NFX1: variants seen among roughly 807,000 people sequenced by gnomAD.
The protein encoded by NFX1 is transcriptional repressor NF-X1.
In NFX1, 69 loss-of-function variants were observed where a neutral mutation model predicts 137.2. The observed-to-expected ratio is 0.50, with a 90% CI of 0.41 to 0.61. The LOEUF is 0.61. Ranked by LOEUF, NFX1 falls within the 20% of genes least tolerant of loss-of-function variation. The pLI, the probability that NFX1 is intolerant of heterozygous loss-of-function variation, is 0.00. For missense variants in NFX1, 1,167 were observed against 1,391.0 expected, an observed-to-expected ratio of 0.84 and a Z score of 2.56; for synonymous variants, 495 against 474.1, an observed-to-expected ratio of 1.04 and a Z score of -0.57.
In NFX1 at chr9:33,294,886, G is replaced by C; in HGVS notation, c.492G>C (p.Arg164Ser). 6.2e-7 allele frequency: 1 copy of C among 1,614,042 alleles called. No individual in the cohort carries two copies. The highest frequency in any genetic ancestry group is 8.5e-7 in the Non-Finnish European group (1 of 1,179,992). Residue 164 changes from arginine (R) to serine (S), a missense_variant, in exon 2 of 24, where the codon AGG (arginine) becomes AGC (serine). Arg to Ser is a moderately radical substitution (Grantham distance 110). Coordinates refer to ENST00000379540, the MANE Select transcript of NFX1 (RefSeq NM_002504.6). ...AGGAAGTTGTGGGTGCAGATCCCAG[G>C]GGAGCAAAACCCAAAAAAGCAACAC... ...SEKEVVGADP[R>S]GAKPKKATQF...
intron 19 of NFX1, among the ~76,000 whole-genome samples, chr9:33,357,975 C>T (rs1823867001): frequency 6.6e-6 from 1 of 152,052 alleles, no homozygotes; most frequent in Non-Finnish European, 1.5e-5. Flanking sequence ...ATTTTCTAGT[C>T]CAAGAGAAGG....
chr9:33,314,674 C>G (rs1387922474), intron 7 of NFX1, among the ~76,000 whole-genome samples: 1 of 151,684 alleles, frequency 6.6e-6, no homozygotes, highest in Non-Finnish European at 1.5e-5. Flanking sequence ...GAGGCTCAGT[C>G]TAAAATAATA....
chr9:33,353,719 G>A (rs7038216), intron 17 of NFX1, among the ~76,000 whole-genome samples: 2,860 of 124,578 alleles, frequency 0.023, 117 homozygotes, highest in African/African-American at 0.083. Context: ...ATGGAGTTTC[G>A]CTCCTGTTGC....
At chr9:33,306,113 A>G (rs1424762707) in intron 4 of NFX1, among the ~76,000 whole-genome samples, 7 of 152,216 alleles carry the variant, frequency 4.6e-5, no homozygotes, top group Non-Finnish European at 8.8e-5. Context: ...CTTTTGTGAT[A>G]GTCTGGAGAT....
At chr9:33,360,776 A>G (rs771292246) in intron 19 of NFX1, among the ~76,000 whole-genome samples, 18 of 152,196 alleles carry the variant, frequency 1.2e-4, no homozygotes, top group Non-Finnish European at 2.2e-4. Flanking sequence ...AAAACATCAA[A>G]AGATCTTCCC....
intron 9 of NFX1, 82 bp downstream of exon 9, chr9:33,319,209 A>G (rs1460104010): frequency 1.7e-6 from 2 of 1,158,164 alleles, no homozygotes; most frequent in African/African-American, 1.5e-5. Flanking sequence ...ATGTAGAAGT[A>G]AGTGCTAGTT....
At chr9:33,333,733 G>A (rs1266931879) in intron 11 of NFX1, among the ~76,000 whole-genome samples, 1 of 152,206 alleles carries the variant, frequency 6.6e-6, no homozygotes, top group East Asian at 1.9e-4. Context: ...GGCTGTCTTT[G>A]CCTGAAAGAG....
At chr9:33,346,710 G>A (rs1381640932) in intron 14 of NFX1, among the ~76,000 whole-genome samples, 3 of 152,160 alleles carry the variant, frequency 2.0e-5, no homozygotes, top group Admixed American at 6.6e-5. Context: ...GAGCAGTTGC[G>A]GTTAAAGTAG....
intron 9 of NFX1, among the ~76,000 whole-genome samples, chr9:33,320,857 A>G (rs1478618483): frequency 3.3e-5 from 5 of 152,186 alleles, no homozygotes; most frequent in East Asian, 1.9e-4. Context: ...GAGAGTTCAC[A>G]TTTCTTTCAA....
chr9:33,354,922 C>T (rs748566256), intron 19 of NFX1, 30 bp downstream of exon 19: 2 of 1,612,312 alleles, frequency 1.2e-6, no homozygotes, highest in Non-Finnish European at 1.7e-6. Context: ...TTTTTAATCT[C>T]CTTGCCCTTG....
intron 7 of NFX1, among the ~76,000 whole-genome samples, chr9:33,314,287 T>C (rs1822073304): frequency 6.6e-6 from 1 of 151,922 alleles, no homozygotes; most frequent in Non-Finnish European, 1.5e-5. Context: ...GCCTGGCCTA[T>C]CTAATTTAAA....
At chr9:33,337,259 T>C (rs908109364) in intron 11 of NFX1, among the ~76,000 whole-genome samples, 4 of 152,228 alleles carry the variant, frequency 2.6e-5, no homozygotes, top group Non-Finnish European at 4.4e-5. Context: ...ACTGAACATG[T>C]ACAAAATTTT....
intron 9 of NFX1, among the ~76,000 whole-genome samples, chr9:33,327,990 G>A (rs2118462476): frequency 6.6e-6 from 1 of 152,164 alleles, no homozygotes; most frequent in South Asian, 2.1e-4. Context: ...GGGGCCTGAG[G>A]AAAAAGAAGA....
chr9:33,353,965 C>T, intron 17 of NFX1, 121 bp from the exon 18 acceptor site: 2 of 841,822 alleles, frequency 2.4e-6, no homozygotes, highest in Admixed American at 3.2e-5. Context: ...GCTGGGCTTA[C>T]AGGCGTGAGC....
chr9:33,296,807 C>A (rs959532774), intron 2 of NFX1, among the ~76,000 whole-genome samples: 1 of 152,232 alleles, frequency 6.6e-6, no homozygotes, highest in African/African-American at 2.4e-5. Context: ...TTACAGCCCT[C>A]ACGCTTATGT....
intron 19 of NFX1, among the ~76,000 whole-genome samples, chr9:33,356,368 G>T (rs73478934): frequency 0.037 from 5,663 of 152,114 alleles, 350 homozygotes; most frequent in African/African-American, 0.13. Flanking sequence ...CTGAATATGA[G>T]TCCTTTGTTG....
chr9:33,349,874 TG>T (rs960103040), intron 15 of NFX1, among the ~76,000 whole-genome samples: 1 of 151,978 alleles, frequency 6.6e-6, no homozygotes, highest in Non-Finnish European at 1.5e-5. Flanking sequence ...CTGGGTTTAG[TG>T]GCATGCCTGT....
chr9:33,308,605 A>C (rs1821846342), intron 5 of NFX1, among the ~76,000 whole-genome samples: 1 of 152,260 alleles, frequency 6.6e-6, no homozygotes, highest in African/African-American at 2.4e-5. Context: ...TTAAATAGTT[A>C]TGTAACCTTG....
At chr9:33,309,172 A>G (rs1338753875) in intron 5 of NFX1, among the ~76,000 whole-genome samples, 1 of 152,110 alleles carries the variant, frequency 6.6e-6, no homozygotes, top group East Asian at 1.9e-4. Context: ...CCTGGCTAAG[A>G]CGGTGCAACC....
Sources: gnomAD v4.1 joint callset for allele counts (sites outside exome capture counted in the v4.1 genomes callset) on GRCh38, gnomAD v4.1.1 for gene constraint, MANE v1.5 for transcripts, NCBI Gene and HGNC (gene_info 2026-07-23, HGNC 2026-07-21) for gene names.